MLXIP: variants seen among roughly 807,000 people sequenced by gnomAD.
MLXIP encodes the protein MLX interacting protein.
In MLXIP, 30 loss-of-function variants were observed where a neutral mutation model predicts 87.2. The ratio of observed to expected loss-of-function variants is 0.34; its 90% CI spans 0.26 to 0.47. MLXIP has a LOEUF of 0.47. MLXIP is among the 20% of genes least tolerant of loss of function. MLXIP has a pLI of 1.00. For missense variants in MLXIP, 1,002 were observed against 1,240.1 expected, an observed-to-expected ratio of 0.81 and a Z score of 2.88; for synonymous variants, 530 against 514.0, an observed-to-expected ratio of 1.03 and a Z score of -0.42.
intron 1 of MLXIP, among the ~76,000 whole-genome samples, chr12:122,117,824 A>G (rs150099305): frequency 1.1e-4 from 16 of 152,294 alleles, no homozygotes; most frequent in Non-Finnish European, 1.0e-4. Flanking sequence ...AGCTTAATTT[A>G]TAAGTTAGGC....
At chr12:122,093,846 G>C (rs1230816415) in intron 1 of MLXIP, among the ~76,000 whole-genome samples, 30 of 145,210 alleles carry the variant, frequency 2.1e-4, no homozygotes, top group Non-Finnish European at 4.1e-4. Context: ...TGTGGGGTGT[G>C]TGTTTGCAGT....
chr12:122,116,015 C>T (rs1475157706), intron 1 of MLXIP, among the ~76,000 whole-genome samples: 1 of 151,414 alleles, frequency 6.6e-6, no homozygotes, highest in Admixed American at 6.6e-5. Context: ...CATGCTGCTG[C>T]AATCCAGCCT....
chr12:122,123,410 C>T (rs756890787), intron 1 of MLXIP, among the ~76,000 whole-genome samples: 4 of 152,040 alleles, frequency 2.6e-5, no homozygotes, highest in Non-Finnish European at 5.9e-5. Context: ...TACCGAAACT[C>T]GGGGTGGAAC....
intron 1 of MLXIP, among the ~76,000 whole-genome samples, chr12:122,105,855 T>TC (rs1318774059): frequency 1.3e-5 from 2 of 152,150 alleles, no homozygotes; most frequent in Admixed American, 6.5e-5. Context: ...TTCCCTTCTT[T>TC]CTCTGTCTGC....
intron 1 of MLXIP, among the ~76,000 whole-genome samples, chr12:122,101,573 TC>T (rs1952437688): frequency 1.5e-5 from 1 of 66,926 alleles, no homozygotes; most frequent in Non-Finnish European, 2.9e-5. Context: ...TTTATTTTTT[TC>T]TTTTTTTTTC....
intron 9 of MLXIP, chr12:122,134,230 T>G: frequency 1.9e-6 from 1 of 538,792 alleles, no homozygotes. Flanking sequence ...AGACAGTCTC[T>G]GTTGCCCAGG....
intron 1 of MLXIP, among the ~76,000 whole-genome samples, chr12:122,088,627 C>A (rs1952202475): frequency 6.6e-6 from 1 of 152,040 alleles, no homozygotes; most frequent in Admixed American, 6.6e-5. Context: ...CCGCCTGGGG[C>A]AGTTTTCAGG....
In MLXIP at chr12:122,086,927, G is replaced by A. The variant is rs150359511; in HGVS notation, c.413+7661G>A. ...TTGCAGCCCTGCTTCTTGTGCTGCC[G>A]CCGGCTGTCACCCACCACCCTGTTT... On this transcript the variant is annotated intron_variant, in intron 1 of 16. Coordinates refer to ENST00000319080, the MANE Select transcript of MLXIP (RefSeq NM_014938.6). 5.0e-3 allele frequency among the ~76,000 whole-genome samples: 763 copies of A among 152,242 alleles called. 2 individuals carry two copies. The highest frequency in any genetic ancestry group is 8.7e-3 in the Non-Finnish European group (591 of 68,012).
In MLXIP at chr12:122,142,231, C is replaced by T. The variant is rs1465674729; in HGVS notation, c.*419C>T. 2.9e-6 allele frequency: 2 copies of T among 700,204 alleles called. No individual in the cohort carries two copies. Among genetic ancestry groups the T allele is most frequent in the East Asian group, 5.4e-5 (2 of 37,206 alleles). The allele number at this position is 700,204 out of a possible 1,614,324, so 43.4% of individuals were successfully genotyped here. A position where few individuals can be genotyped will look rare whatever the true frequency, so the allele number is the denominator to read the frequency against. ...TGTCCCTCCTGCCACGTCCTGTCCA[C>T]ATGCATGCCTCTGCCTGATGCCCTG... is the stretch of plus-strand genomic sequence containing the variant. On this transcript the variant is annotated 3_prime_UTR_variant, in exon 17 of 17. Coordinates refer to ENST00000319080, the MANE Select transcript of MLXIP (RefSeq NM_014938.6).
chr12:122,081,441 G>C (rs1952089470), intron 1 of MLXIP, among the ~76,000 whole-genome samples: 1 of 152,186 alleles, frequency 6.6e-6, no homozygotes. Flanking sequence ...GTAGTCTGTG[G>C]CACAGAAAGA....
intron 1 of MLXIP, among the ~76,000 whole-genome samples, chr12:122,119,813 A>G (rs939449063): frequency 6.6e-6 from 1 of 152,176 alleles, no homozygotes. Context: ...TGTGAGGTGG[A>G]TCTGTCGAAT....
At chr12:122,083,174 G>A (rs1952116328) in intron 1 of MLXIP, among the ~76,000 whole-genome samples, 1 of 152,070 alleles carries the variant, frequency 6.6e-6, no homozygotes. Context: ...GTTGGTTTTG[G>A]TTCCATTTCT....
intron 1 of MLXIP, among the ~76,000 whole-genome samples, chr12:122,111,992 A>G (rs1411140061): frequency 6.6e-6 from 1 of 152,146 alleles, no homozygotes; most frequent in Non-Finnish European, 1.5e-5. Context: ...GAGATTTGTC[A>G]ACATGGTCAT....
intron 15 of MLXIP, among the ~76,000 whole-genome samples, chr12:122,140,029 G>A (rs1953169514): frequency 6.6e-6 from 1 of 152,174 alleles, no homozygotes; most frequent in African/African-American, 2.4e-5. Context: ...ATTCCTCTGT[G>A]TTGCTGTTTT....
chr12:122,118,937 C>T (rs1437402779), intron 1 of MLXIP, among the ~76,000 whole-genome samples: 5 of 151,168 alleles, frequency 3.3e-5, no homozygotes, highest in Non-Finnish European at 7.4e-5. Context: ...GAGGTCGAAG[C>T]GGGCAGATCA....
chr12:122,137,435 G>T lies in MLXIP; in HGVS notation c.2033-34G>T. The T allele has an allele frequency of 6.3e-7, 1 of 1,597,330 alleles. No individual in the cohort carries two copies. The highest frequency in any genetic ancestry group is 8.5e-7 in the Non-Finnish European group (1 of 1,171,502). On this transcript the variant is annotated intron_variant, in intron 11 of 16. Coordinates refer to ENST00000319080, the MANE Select transcript of MLXIP (RefSeq NM_014938.6). The surrounding 1 kb of genome is among the most constrained non-coding windows in gnomAD (Gnocchi z 4.1). Reference sequence around the variant, plus strand: ...CCTCCTGGTGGCGTTGAGGGGCCAGGCCTCCGCCCCTCAGAGGAGTCTGTT... The same window carrying T: ...CCTCCTGGTGGCGTTGAGGGGCCAGTCCTCCGCCCCTCAGAGGAGTCTGTT...
chr12:122,127,432 G>A, intron 2 of MLXIP, 70 bp downstream of exon 2: 1 of 1,105,124 alleles, frequency 9.0e-7, no homozygotes, highest in Non-Finnish European at 1.3e-6. Context: ...GGCACCCAGG[G>A]ACCAGAGTCT....
chr12:122,138,579 C>G (rs1324360956), intron 14 of MLXIP, 28 bp downstream of exon 14: 2 of 1,595,668 alleles, frequency 1.3e-6, no homozygotes, highest in South Asian at 2.3e-5. Context: ...GGGGCTCCAA[C>G]CAGGCACCCC....
In MLXIP at chr12:122,139,657, A is replaced by G. The variant is rs185868211; in HGVS notation, c.2508+719A>G. Among the ~76,000 whole-genome samples the G allele has an allele frequency of 4.3e-3, 662 of 152,226 alleles. 7 individuals are homozygous for G. The highest frequency in any genetic ancestry group is 0.015 in the African/African-American group (631 of 41,536). On this transcript the variant is annotated intron_variant, in intron 15 of 16. Transcript: ENST00000319080. Reference sequence around the variant, plus strand: ...GCAGCACCTGTGTGTGCTGGAAGGGACAGAGTGTTTTTGTTTGTTTCTTTT... The same window carrying G: ...GCAGCACCTGTGTGTGCTGGAAGGGGCAGAGTGTTTTTGTTTGTTTCTTTT...
Sources: gnomAD v4.1 joint callset for allele counts (sites outside exome capture counted in the v4.1 genomes callset) on GRCh38, gnomAD v4.1.1 for gene constraint, Gnocchi (gnomAD v3.1) non-coding constraint, MANE v1.5 for transcripts, NCBI Gene and HGNC (gene_info 2026-07-23, HGNC 2026-07-21) for gene names.